The following MDH1B variants were observed in gnomAD, a reference collection of about 807,000 sequenced individuals.
MDH1B encodes putative malate dehydrogenase 1B.
A neutral mutation model predicts 61.4 loss-of-function variants in MDH1B; 60 were observed. The ratio of observed to expected loss-of-function variants is 0.98; its 90% confidence interval spans 0.79 to 1.21. The LOEUF is 1.21. Among genes scored for constraint, MDH1B ranks in the 50% most tolerant of loss-of-function variants. MDH1B has a pLI of 0.00. For synonymous variants in MDH1B, 236 were observed against 218.7 expected, an observed-to-expected ratio of 1.08 and a Z score of -0.70; for missense variants, 587 against 632.1, an observed-to-expected ratio of 0.93 and a Z score of 0.76.
At chr2:206,742,568 C>A (rs1043996473) in intron 9 of MDH1B, among the ~76,000 whole-genome samples, 1 of 152,090 alleles carries the variant, frequency 6.6e-6, no homozygotes, top group African/African-American at 2.4e-5. Context: ...AATGTTGATT[C>A]TCCTCAGTAG....
intron 4 of MDH1B, among the ~76,000 whole-genome samples, chr2:206,756,465 A>T (rs1475000734): frequency 2.0e-5 from 3 of 152,072 alleles, no homozygotes; most frequent in Non-Finnish European, 4.4e-5. Flanking sequence ...GCATGTGCCC[A>T]GACTGGGAGC....
chr2:206,743,014 C>T (rs982544679), intron 9 of MDH1B, among the ~76,000 whole-genome samples: 13 of 152,106 alleles, frequency 8.5e-5, no homozygotes, highest in South Asian at 8.3e-4. Context: ...CACGCCCAGC[C>T]GATGTCTCTA....
intron 1 of MDH1B, 139 bp downstream of exon 1, chr2:206,765,111 G>T: frequency 1.9e-6 from 2 of 1,058,440 alleles, no homozygotes; most frequent in Non-Finnish European, 2.7e-6. Flanking sequence ...GCACCGTCAC[G>T]GTCCAGTAAA....
At chr2:206,750,842 G>A (rs1303588513) in intron 6 of MDH1B, 92 bp downstream of exon 6, 2 of 1,117,538 alleles carry the variant, frequency 1.8e-6, no homozygotes, top group Admixed American at 3.3e-5. Flanking sequence ...AGTTATTTTT[G>A]TACAAAGATT....
At position 206,760,865 on chromosome 2, in the gene MDH1B, C is replaced by A. The variant is rs769269448; in HGVS notation, c.135+36G>T. 1.5e-5 allele frequency: 17 copies of A among 1,171,094 alleles called. No individual in the cohort carries two copies. In the South Asian group the frequency reaches 1.7e-4, roughly 11 times the overall value. The allele number at this position is 1,171,094 out of a possible 1,614,324, so 72.5% of individuals were successfully genotyped here. On this transcript the variant is annotated intron_variant, in intron 2 of 11. Transcript: ENST00000374412. The stretch of plus-strand genomic sequence containing the variant: ...TAATCAAATTAAAACACATTTTGTG[C>A]ATGAGTGAGTTCAACAAACTATAAA...
Position 206,738,089 on chromosome 2 carries a change from G to A in MDH1B, c.*394C>T, listed in dbSNP as rs922148172. 14 of 158,832 alleles carry A rather than the reference G, an allele frequency of 8.8e-5. No homozygotes were observed. The Admixed American group carries it at 9.0e-4, about 10-fold the overall frequency. 9.8% of individuals were successfully genotyped at this position (158,832 alleles called of 1,614,324 possible). Reference sequence around the variant, plus strand: ...CATCTGTTTGGCCTAATTAGTTGAGGCCAAGGTGATGAGGACATTTGAGCA... The same window carrying A: ...CATCTGTTTGGCCTAATTAGTTGAGACCAAGGTGATGAGGACATTTGAGCA... On this transcript the variant is annotated 3_prime_UTR_variant, in exon 12 of 12. Transcript: ENST00000374412.
intron 6 of MDH1B, among the ~76,000 whole-genome samples, chr2:206,749,963 T>C (rs189764964): frequency 4.9e-4 from 75 of 152,292 alleles, no homozygotes; most frequent in African/African-American, 1.7e-3. Flanking sequence ...ATTCAGAGAA[T>C]AGTCCAGCTG....
intron 9 of MDH1B, among the ~76,000 whole-genome samples, chr2:206,742,658 G>T (rs999568471): frequency 1.3e-5 from 2 of 151,056 alleles, no homozygotes; most frequent in Non-Finnish European, 2.9e-5. Context: ...GAGGTTGAGA[G>T]TATGACCCAT....
chr2:206,738,630 T>C, intron 11 of MDH1B, 119 bp from the exon 12 acceptor site: 1 of 637,624 alleles, frequency 1.6e-6, no homozygotes. Context: ...GCTGAGAAAG[T>C]GCATGTGTGA....
At chr2:206,757,638 A>C (rs190588809) in intron 2 of MDH1B, among the ~76,000 whole-genome samples, 1 of 152,324 alleles carries the variant, frequency 6.6e-6, no homozygotes, top group African/African-American at 2.4e-5. Flanking sequence ...GGAGACCTGG[A>C]ATCCAAGTGT....
In MDH1B at chr2:206,751,000, C is replaced by A; in HGVS notation, c.986G>T (p.Arg329Ile). The A allele has an allele frequency of 6.2e-7, 1 of 1,611,380 alleles. No individual in the cohort carries two copies. Among genetic ancestry groups the A allele is most frequent in the Non-Finnish European group, 8.5e-7 (1 of 1,178,304 alleles). The change falls in exon 6 of 12, where the codon AGA (arginine) becomes ATA (isoleucine). Residue 329 changes from arginine (R) to isoleucine (I), a missense_variant. By Grantham distance (97) the Arg-to-Ile change is moderately conservative. Transcript: ENST00000374412. ...YVDLRKTRVY[R>I]YESAIWGPLH... Reference sequence around the variant, plus strand: ...AGGTCCCCAAATGGCACTCTCATATCTGTACACCCTTGTTTTTCTCAGATC... The same window carrying A: ...AGGTCCCCAAATGGCACTCTCATATATGTACACCCTTGTTTTTCTCAGATC...
intron 9 of MDH1B, 200 bp downstream of exon 9, chr2:206,745,422 A>T: frequency 1.5e-6 from 1 of 663,392 alleles, no homozygotes; most frequent in Non-Finnish European, 2.8e-6. Flanking sequence ...CATAGTGTTC[A>T]TAAGTTGTGT....
intron 1 of MDH1B, among the ~76,000 whole-genome samples, chr2:206,761,905 A>G (rs1017056075): frequency 6.6e-6 from 1 of 152,112 alleles, no homozygotes; most frequent in Non-Finnish European, 1.5e-5. Flanking sequence ...CATCTCTTCA[A>G]ACCACTTTCT....
intron 7 of MDH1B, 21 bp downstream of exon 7, chr2:206,748,998 GA>G: frequency 6.2e-7 from 1 of 1,606,490 alleles, no homozygotes; most frequent in South Asian, 1.1e-5. Context: ...GATTTTACAA[GA>G]TATGAAAAAC....
At chr2:206,746,138 T>C (rs1045715251) in intron 8 of MDH1B, 149 bp downstream of exon 8, 2 of 587,428 alleles carry the variant, frequency 3.4e-6, no homozygotes, top group African/African-American at 3.9e-5. Context: ...GTTCCTTCAC[T>C]GATTTTTTTC....
intron 1 of MDH1B, among the ~76,000 whole-genome samples, chr2:206,763,876 A>G (rs1460765413): frequency 4.3e-5 from 6 of 139,960 alleles, no homozygotes; most frequent in Non-Finnish European, 7.5e-5. Flanking sequence ...CCCTCTGGGA[A>G]ACCCTTACCT....
chr2:206,755,445 CCCAAACACTTCG>C lies in MDH1B; in HGVS notation c.462_473del (p.Glu155_Gly158del). 6.2e-7 allele frequency: 1 copy of C among 1,614,178 alleles called. No individual in the cohort carries two copies. The highest frequency in any genetic ancestry group is 8.5e-7 in the Non-Finnish European group (1 of 1,180,018). On this transcript the variant is annotated inframe_deletion, in exon 5 of 12. Coordinates refer to ENST00000374412, the MANE Select transcript of MDH1B (RefSeq NM_001039845.3). The stretch of plus-strand genomic sequence containing the variant: ...GAGTTATGCTAATTTCTGTATGCAT[CCCAAACACTTCG>C]CCACTCGTCAATATGGGAATTAGGT...
chr2:206,744,637 C>T (rs1687991744), intron 9 of MDH1B, among the ~76,000 whole-genome samples: 1 of 152,020 alleles, frequency 6.6e-6, no homozygotes, highest in East Asian at 1.9e-4. Context: ...AAAAGATATG[C>T]TGAAGTTGGC....
Position 206,763,605 on chromosome 2 carries a change from C to G in MDH1B, c.22+1645G>C, listed in dbSNP as rs531916691. The stretch of plus-strand genomic sequence containing the variant: ...TCATGTACTCTGGATAAAGTCTAAA[C>G]TACTGAATGTGGCTCAAAAGAATCT... On this transcript the variant is annotated intron_variant, in intron 1 of 11. Transcript: ENST00000374412. 9.2e-5 allele frequency among the ~76,000 whole-genome samples: 14 copies of G among 152,310 alleles called. 1 individual carries two copies. In the East Asian group the frequency reaches 1.4e-3, roughly 15 times the overall value.
Sources: gnomAD v4.1 joint callset for allele counts (sites outside exome capture counted in the v4.1 genomes callset) on GRCh38, gnomAD v4.1.1 for gene constraint, MANE v1.5 for transcripts, NCBI Gene and HGNC (gene_info 2026-07-23, HGNC 2026-07-21) for gene names.